Variants in PKHD1L1 observed in about 807,000 individuals in gnomAD.
PKHD1L1 encodes the protein fibrocystin-L.
Under a neutral mutation model 462.9 loss-of-function variants are expected in PKHD1L1, and 434 were observed. The observed-to-expected ratio is 0.94, with a 90% confidence interval of 0.87 to 1.02. The LOEUF (loss-of-function observed/expected upper bound fraction) is 1.02, where lower values mean the gene tolerates loss of function less well. Ranked by LOEUF, PKHD1L1 falls within the 50% of genes least tolerant of loss-of-function variation. PKHD1L1 has a pLI of 0.00. For synonymous variants in PKHD1L1, 1,781 were observed against 1,750.0 expected (o/e 1.02, Z -0.44); for missense variants, 5,202 against 5,096.1 (o/e 1.02, Z -0.63).
intron 67 of PKHD1L1, among the ~76,000 whole-genome samples, chr8:109,502,937 C>T (rs900861324): frequency 6.6e-6 from 1 of 152,192 alleles, no homozygotes; most frequent in African/African-American, 2.4e-5. Flanking sequence ...GGCATAGCTA[C>T]TTGTGGTAAT....
intron 56 of PKHD1L1, 60 bp downstream of exon 56, chr8:109,481,622 A>C: frequency 7.0e-7 from 1 of 1,419,882 alleles, no homozygotes; most frequent in Non-Finnish European, 9.3e-7. Flanking sequence ...TTTAAAATAT[A>C]TGGCACTAAA....
intron 14 of PKHD1L1, among the ~76,000 whole-genome samples, chr8:109,403,440 T>C (rs890885929): frequency 3.9e-5 from 6 of 152,174 alleles, no homozygotes; most frequent in Non-Finnish European, 8.8e-5. Context: ...AGGAATAATA[T>C]CTATTTTATG....
chr8:109,507,297 G>A (rs772951626), intron 68 of PKHD1L1, among the ~76,000 whole-genome samples: 5 of 152,116 alleles, frequency 3.3e-5, no homozygotes, highest in African/African-American at 9.7e-5. Context: ...TATATGTCCT[G>A]TATAACAGTA....
intron 8 of PKHD1L1, among the ~76,000 whole-genome samples, chr8:109,389,843 A>C (rs1812629490): frequency 6.6e-6 from 1 of 151,984 alleles, no homozygotes; most frequent in South Asian, 2.1e-4. Flanking sequence ...TTAATTCTTG[A>C]ATGGGCTTCC....
intron 49 of PKHD1L1, among the ~76,000 whole-genome samples, chr8:109,466,176 T>A (rs1347428743): frequency 2.0e-5 from 3 of 152,198 alleles, no homozygotes; most frequent in Non-Finnish European, 4.4e-5. Context: ...ATATAAAGCT[T>A]TGTGTAATGT....
intron 12 of PKHD1L1, among the ~76,000 whole-genome samples, chr8:109,399,334 G>GA (rs1813133181): frequency 6.6e-6 from 1 of 152,052 alleles, no homozygotes; most frequent in Non-Finnish European, 1.5e-5. Flanking sequence ...TTCAGCTGAA[G>GA]AAGGGTAGCC....
At chr8:109,501,739 T>TC (rs1413602070) in intron 67 of PKHD1L1, among the ~76,000 whole-genome samples, 3 of 152,196 alleles carry the variant, frequency 2.0e-5, no homozygotes, top group Admixed American at 2.0e-4. Context: ...GGCTGGGGTG[T>TC]CTGAGGACAG....
chr8:109,446,556 A>G (rs772107367), intron 38 of PKHD1L1, among the ~76,000 whole-genome samples: 8 of 152,218 alleles, frequency 5.3e-5, no homozygotes, highest in Non-Finnish European at 1.2e-4. Flanking sequence ...GGTTTGAGTA[A>G]GTAGTATTTT....
At chr8:109,381,581 G>A in intron 3 of PKHD1L1, 67 bp downstream of exon 3, 1 of 1,182,594 alleles carries the variant, frequency 8.5e-7, no homozygotes, top group Non-Finnish European at 1.2e-6. Context: ...ATGAATATTA[G>A]TATTATAATA....
intron 12 of PKHD1L1, among the ~76,000 whole-genome samples, chr8:109,398,782 GAAA>G (rs1475750949): frequency 1.3e-5 from 2 of 152,014 alleles, no homozygotes; most frequent in Non-Finnish European, 2.9e-5. Context: ...ACACCCTACT[GAAA>G]ATAGCACATC....
chr8:109,449,123 C>T (rs1486772099), intron 39 of PKHD1L1, among the ~76,000 whole-genome samples: 1 of 152,020 alleles, frequency 6.6e-6, no homozygotes, highest in Non-Finnish European at 1.5e-5. Flanking sequence ...AAATAAATTA[C>T]CAGATATGAC....
At position 109,443,020 on chromosome 8, in the gene PKHD1L1, A is replaced by G. The variant is rs749708773; in HGVS notation, c.4468A>G (p.Ile1490Val). The change falls in exon 36 of 78, where the codon ATT becomes GTT. Residue 1490 changes from isoleucine to valine, a missense_variant. By Grantham distance (29) the Ile-to-Val change is conservative. Transcript: ENST00000378402. Reference protein sequence around the residue: ...SSGYVDEAHSIFLQGVINVLP... With the variant: ...SSGYVDEAHSVFLQGVINVLP... ...CGGGTATGTTGATGAGGCTCACTCC[A>G]TTTTTCTCCAAGGAGTCATTAATGT... The G allele has an allele frequency of 1.2e-6, 2 of 1,613,560 alleles. No homozygotes were observed. The highest frequency in any genetic ancestry group is 1.7e-6 in the Non-Finnish European group (2 of 1,179,642).
intron 72 of PKHD1L1, among the ~76,000 whole-genome samples, chr8:109,517,080 TCTC>T (rs1820306258): frequency 6.6e-6 from 1 of 152,128 alleles, no homozygotes; most frequent in African/African-American, 2.4e-5. Flanking sequence ...ATTATTTTGT[TCTC>T]CATAGACAGA....
At chr8:109,407,302 G>A (rs1239238022) in intron 17 of PKHD1L1, among the ~76,000 whole-genome samples, 1 of 152,116 alleles carries the variant, frequency 6.6e-6, no homozygotes, top group Non-Finnish European at 1.5e-5. Flanking sequence ...TTTAAAAAGT[G>A]TACAAAAGTT....
At chr8:109,499,970 C>A (rs561248402) in intron 67 of PKHD1L1, among the ~76,000 whole-genome samples, 3 of 152,214 alleles carry the variant, frequency 2.0e-5, no homozygotes, top group African/African-American at 7.2e-5. Context: ...TTACAGCTGC[C>A]CCTATGGGGA....
intron 21 of PKHD1L1, among the ~76,000 whole-genome samples, chr8:109,416,793 C>T (rs1465121136): frequency 1.7e-4 from 26 of 152,218 alleles, no homozygotes; most frequent in Admixed American, 1.7e-3. Context: ...TTATATACCA[C>T]TGCTTCATGC....
chr8:109,495,742 A>G (rs1452546354), intron 63 of PKHD1L1, among the ~76,000 whole-genome samples: 6 of 152,174 alleles, frequency 3.9e-5, no homozygotes, highest in Non-Finnish European at 8.8e-5. Flanking sequence ...GGAAGAAGGG[A>G]AAATCAGCAG....
chr8:109,438,151 A>G (rs1246981216), intron 30 of PKHD1L1, among the ~76,000 whole-genome samples, 173 bp from the exon 31 acceptor site: 2 of 152,200 alleles, frequency 1.3e-5, no homozygotes, highest in Non-Finnish European at 2.9e-5. Context: ...GAACTCAAGC[A>G]TGTAACCTAT....
chr8:109,366,696 T>A (rs1339748891), intron 2 of PKHD1L1, among the ~76,000 whole-genome samples: 1 of 150,970 alleles, frequency 6.6e-6, no homozygotes, highest in Non-Finnish European at 1.5e-5. Flanking sequence ...TTATGATTTT[T>A]TTTTTTTTTT....
Sources: allele counts gnomAD v4.1 joint callset (sites outside exome capture counted in the v4.1 genomes callset), GRCh38; gene constraint gnomAD v4.1.1; transcripts MANE v1.5; gene names NCBI Gene and HGNC (gene_info 2026-07-23, HGNC 2026-07-21).